Variants in KIF1B observed in about 807,000 individuals in gnomAD.
KIF1B encodes the protein kinesin-like protein KIF1B.
Under a neutral mutation model 241.9 loss-of-function variants are expected in KIF1B, and 76 were observed. The observed-to-expected ratio is 0.31, with a 90% CI of 0.26 to 0.38. The LOEUF (loss-of-function observed/expected upper bound fraction) is 0.38. KIF1B is among the 10% of genes least tolerant of loss of function. KIF1B has a pLI of 1.00. For synonymous variants in KIF1B, 750 were observed against 796.7 expected, an observed-to-expected ratio of 0.94 and a Z score of 0.99; for missense variants, 1,622 against 2,271.4, an observed-to-expected ratio of 0.71 and a Z score of 5.81.
chr1:10,313,294 C>T (rs528275404), intron 22 of KIF1B, among the ~76,000 whole-genome samples: 97 of 151,310 alleles, frequency 6.4e-4, no homozygotes, highest in South Asian at 1.0e-3. Context: ...TTCAAACTCC[C>T]GACCTCAGGT....
At position 10,259,506 on chromosome 1, in the gene KIF1B, T is replaced by A. The variant is rs866446707; in HGVS notation, c.363+834T>A. On this transcript the variant is annotated intron_variant, in intron 4 of 48. Coordinates refer to ENST00000676179, the MANE Select transcript of KIF1B (RefSeq NM_001365951.3). Reference sequence around the variant, plus strand: ...ATTTTTAAATTAAAAAAAAAAAAAATTTTTTTTTTTTTTTGAGGTGGAGTC... The same window carrying A: ...ATTTTTAAATTAAAAAAAAAAAAAAATTTTTTTTTTTTTTGAGGTGGAGTC... 2.1e-3 allele frequency among the ~76,000 whole-genome samples: 227 copies of A among 110,520 alleles called. 1 individual carries two copies. The highest frequency in any genetic ancestry group is 0.013 in the Middle Eastern group (3 of 230). The allele number at this position is 110,520 out of a possible 152,430, so 72.5% of individuals were successfully genotyped here.
chr1:10,286,180 C>T (rs1408065282), intron 15 of KIF1B, among the ~76,000 whole-genome samples: 1 of 152,148 alleles, frequency 6.6e-6, no homozygotes, highest in Non-Finnish European at 1.5e-5. Flanking sequence ...GCTGGGATTA[C>T]AGGCATGTAC....
At chr1:10,297,296 C>T (rs765507954) in intron 22 of KIF1B, 50 bp downstream of exon 22, 11 of 1,513,764 alleles carry the variant, frequency 7.3e-6, no homozygotes, top group South Asian at 3.4e-5. Flanking sequence ...AGCTTGTTCC[C>T]ATACTTTCCC....
intron 2 of KIF1B, among the ~76,000 whole-genome samples, chr1:10,236,131 A>T (rs909131981): frequency 6.6e-6 from 1 of 150,392 alleles, no homozygotes; most frequent in Non-Finnish European, 1.5e-5. Flanking sequence ...AATTAGCCGG[A>T]CGTGGTGATG....
intron 14 of KIF1B, among the ~76,000 whole-genome samples, chr1:10,281,176 T>G (rs1649387693): frequency 6.6e-6 from 1 of 152,146 alleles, no homozygotes; most frequent in South Asian, 2.1e-4. Context: ...TAATAGTATT[T>G]TTTTCCAGCT....
At chr1:10,224,843 GCTGTCCCC>G (rs1466080783) in intron 1 of KIF1B, among the ~76,000 whole-genome samples, 1 of 152,318 alleles carries the variant, frequency 6.6e-6, no homozygotes, top group East Asian at 1.9e-4. Flanking sequence ...TTGTAGGGCA[GCTGTCCCC>G]ATTCTTTTTA....
chr1:10,282,313 A>G lies in KIF1B; in HGVS notation c.1223-9A>G, dbSNP rs746916443. The G allele has an allele frequency of 6.3e-5, 102 of 1,607,828 alleles. No homozygotes were observed. Among genetic ancestry groups the G allele is most frequent in the Non-Finnish European group, 7.8e-5 (92 of 1,175,258 alleles). On this transcript the variant is annotated splice_polypyrimidine_tract_variant and intron_variant, in intron 14 of 48. Transcript: ENST00000676179. ...ACTTTTCCTGCCTTCTCTTCTTTCTATCTCCCAGATCTGAAAGATTTTCAG... is the reference window on the plus strand; with the variant it reads ...ACTTTTCCTGCCTTCTCTTCTTTCTGTCTCCCAGATCTGAAAGATTTTCAG...
chr1:10,262,159 C>T (rs1247690289), intron 5 of KIF1B, among the ~76,000 whole-genome samples, 189 bp downstream of exon 5: 7 of 151,712 alleles, frequency 4.6e-5, no homozygotes, highest in African/African-American at 1.5e-4. Context: ...TTGGGGGGTG[C>T]GCGGTGGGGA....
rs1027428125 is a variant in KIF1B at position 10,216,912 on chromosome 1, G to A, written c.-80+6034G>A. On this transcript the variant is annotated intron_variant, in intron 1 of 48. Transcript: ENST00000676179. Reference sequence around the variant, plus strand: ...GCACTGTTCTAATCTGTAGGAACTCGCAGTATTGGTTACTCTTCTTTTCCC... The same window carrying A: ...GCACTGTTCTAATCTGTAGGAACTCACAGTATTGGTTACTCTTCTTTTCCC... Among the ~76,000 whole-genome samples, 9 of 147,078 alleles carry A rather than the reference G, an allele frequency of 6.1e-5. No individual in the cohort carries two copies. The South Asian group carries it at 1.9e-3, about 31-fold the overall frequency.
Position 10,348,742 on chromosome 1 carries a change from G to A in KIF1B, c.3949+9G>A, listed in dbSNP as rs758193519. 12 of 1,605,490 alleles carry A rather than the reference G, an allele frequency of 7.5e-6. No homozygotes were observed. Among genetic ancestry groups the A allele is most frequent in the South Asian group, 2.2e-5 (2 of 90,868 alleles). On this transcript the variant is annotated intron_variant, in intron 37 of 48. Transcript: ENST00000676179. ...TCGTGAACTGGTGGTAGGTGAGTAC[G>A]TTTCATCAGCCAAGGATAGAACCAG...
At chr1:10,277,277 C>T (rs1258995558) in intron 12 of KIF1B, among the ~76,000 whole-genome samples, 1 of 149,516 alleles carries the variant, frequency 6.7e-6, no homozygotes, top group Admixed American at 6.7e-5. Flanking sequence ...GAGACTCTGT[C>T]TCTTAAAAAA....
At chr1:10,279,070 C>T (rs887181027) in intron 13 of KIF1B, 27 bp from the exon 14 acceptor site, 9 of 1,532,866 alleles carry the variant, frequency 5.9e-6, no homozygotes, top group South Asian at 1.2e-5. Context: ...TGACCCTTCT[C>T]GTATTTTCCC....
chr1:10,339,962 A>G (rs139796369), intron 32 of KIF1B, 103 bp downstream of exon 32: 1 of 952,142 alleles, frequency 1.1e-6, no homozygotes, highest in Non-Finnish European at 1.7e-6. Context: ...CTGGCTGTGC[A>G]GGGGGAGAGT....
chr1:10,247,914 G>C (rs775940699), intron 2 of KIF1B, among the ~76,000 whole-genome samples: 2 of 152,124 alleles, frequency 1.3e-5, no homozygotes, highest in African/African-American at 2.4e-5. Flanking sequence ...CTCATAAGGA[G>C]CGGGCAACCT....
intron 28 of KIF1B, among the ~76,000 whole-genome samples, chr1:10,336,242 G>A (rs1194018547): frequency 1.3e-5 from 2 of 152,076 alleles, no homozygotes; most frequent in East Asian, 1.9e-4. Flanking sequence ...TCCGCCTCCC[G>A]GGTTCAAGCA....
At chr1:10,304,839 C>T in intron 22 of KIF1B, 12 of 1,426,492 alleles carry the variant, frequency 8.4e-6, no homozygotes, top group Non-Finnish European at 1.1e-5. Flanking sequence ...CATAAATGGG[C>T]AGTTTCTGAA....
chr1:10,329,033 T>A (rs1202444396), intron 27 of KIF1B, among the ~76,000 whole-genome samples: 1 of 152,224 alleles, frequency 6.6e-6, no homozygotes, highest in African/African-American at 2.4e-5. Context: ...ATACATGTAT[T>A]GTTTTCTCTC....
At chr1:10,321,031 A>G (rs903028162) in intron 23 of KIF1B, among the ~76,000 whole-genome samples, 1 of 151,116 alleles carries the variant, frequency 6.6e-6, no homozygotes, top group Non-Finnish European at 1.5e-5. Context: ...GTGAGATGGT[A>G]CCTTTTTTCT....
intron 22 of KIF1B, among the ~76,000 whole-genome samples, chr1:10,302,966 A>G (rs1293922846): frequency 6.6e-6 from 1 of 151,546 alleles, no homozygotes; most frequent in African/African-American, 2.4e-5. Context: ...ATAGAAATGT[A>G]CATAGGCGTA....
Sources: allele counts gnomAD v4.1 joint callset (sites outside exome capture counted in the v4.1 genomes callset), GRCh38; gene constraint gnomAD v4.1.1; transcripts MANE v1.5; gene names NCBI Gene and HGNC (gene_info 2026-07-23, HGNC 2026-07-21).